The following DGKB variants were observed in gnomAD, a reference collection of about 807,000 sequenced individuals.
DGKB encodes the protein diacylglycerol kinase beta.
A neutral mutation model predicts 114.3 loss-of-function variants in DGKB; 67 were observed. The ratio of observed to expected loss-of-function variants is 0.59; its 90% CI spans 0.48 to 0.72. The LOEUF (loss-of-function observed/expected upper bound fraction) is 0.72. Among genes scored for constraint, DGKB ranks in the 30% least tolerant of loss-of-function variants. DGKB has a pLI of 0.00. For missense variants in DGKB, 907 were observed against 975.2 expected, an observed-to-expected ratio of 0.93 and a Z score of 0.93; for synonymous variants, 398 against 323.1, an observed-to-expected ratio of 1.23 and a Z score of -2.49.
chr7:14,734,914 C>T (rs567056374), intron 5 of DGKB, among the ~76,000 whole-genome samples: 6 of 151,840 alleles, frequency 4.0e-5, no homozygotes, highest in East Asian at 3.9e-4. Flanking sequence ...CCATAGAGGG[C>T]GCTAGAGAGA....
chr7:14,919,062 G>GCACACACACACA (rs767285844), intron 1 of DGKB, among the ~76,000 whole-genome samples: 11 of 118,144 alleles, frequency 9.3e-5, no homozygotes, highest in African/African-American at 3.7e-4. Flanking sequence ...TCCACCACAC[G>GCACACACACACA]CACACACACA....
chr7:14,630,212 GA>G, intron 14 of DGKB, 23 bp downstream of exon 14: 1 of 1,528,268 alleles, frequency 6.5e-7, no homozygotes, highest in Non-Finnish European at 8.8e-7. Flanking sequence ...TTTTAAGTGT[GA>G]AAACCTGTTT....
intron 4 of DGKB, among the ~76,000 whole-genome samples, chr7:14,745,663 G>A (rs189567545): frequency 6.6e-6 from 1 of 152,198 alleles, no homozygotes; most frequent in Non-Finnish European, 1.5e-5. Context: ...TTATGCAGGG[G>A]AGGAGCCTGA....
intron 2 of DGKB, among the ~76,000 whole-genome samples, chr7:14,828,917 G>C (rs1846055684): frequency 3.3e-5 from 5 of 152,092 alleles, no homozygotes; most frequent in Admixed American, 2.0e-4. Flanking sequence ...GTTGCCAGAG[G>C]AGATCAGAGA....
chr7:14,304,171 C>T (rs1224197568), intron 23 of DGKB, among the ~76,000 whole-genome samples: 2 of 151,724 alleles, frequency 1.3e-5, no homozygotes, highest in Non-Finnish European at 2.9e-5. Context: ...TAATTCTTCA[C>T]ACTAACGGTA....
chr7:14,415,356 G>C (rs1825542208), intron 21 of DGKB, among the ~76,000 whole-genome samples: 1 of 151,850 alleles, frequency 6.6e-6, no homozygotes, highest in African/African-American at 2.4e-5. Context: ...TGCCATGTTG[G>C]TGTGCTGCAC....
intron 18 of DGKB, among the ~76,000 whole-genome samples, chr7:14,581,761 C>T (rs1271232106): frequency 4.0e-5 from 6 of 151,884 alleles, no homozygotes; most frequent in Non-Finnish European, 8.8e-5. Context: ...ATGAAATAGC[C>T]GACAATAAGA....
intron 13 of DGKB, among the ~76,000 whole-genome samples, chr7:14,637,781 C>G (rs10277901): frequency 0.06 from 9,064 of 151,812 alleles, 483 homozygotes; most frequent in African/African-American, 0.15. Flanking sequence ...TTGCTTTATT[C>G]TTAACCTAAA....
At chr7:14,893,888 C>T (rs139666068) in intron 1 of DGKB, among the ~76,000 whole-genome samples, 42 of 151,436 alleles carry the variant, frequency 2.8e-4, no homozygotes, top group African/African-American at 9.4e-4. Context: ...ATAATTTATA[C>T]ATGTGTCTTC....
chr7:14,676,534 G>A (rs918153257), intron 12 of DGKB, among the ~76,000 whole-genome samples: 3 of 151,870 alleles, frequency 2.0e-5, no homozygotes, highest in African/African-American at 4.8e-5. Context: ...CATCTCATGT[G>A]CCTCATAAAT....
At chr7:14,485,096 CCACACACACACACACACA>C (rs10563734) in intron 20 of DGKB, among the ~76,000 whole-genome samples, 27 of 141,506 alleles carry the variant, frequency 1.9e-4, no homozygotes, top group Admixed American at 1.7e-3. Flanking sequence ...CACACACACA[CCACACACACACACACACA>C]CACACACACA....
chr7:14,563,983 C>A (rs1797041425), intron 20 of DGKB, among the ~76,000 whole-genome samples: 1 of 152,146 alleles, frequency 6.6e-6, no homozygotes, highest in Admixed American at 6.5e-5. Context: ...AAAGGCAGCT[C>A]TGTGTTAGAC....
chr7:14,915,941 T>A (rs188875807), intron 1 of DGKB, among the ~76,000 whole-genome samples: 5 of 152,068 alleles, frequency 3.3e-5, no homozygotes, highest in African/African-American at 1.2e-4. Flanking sequence ...AATGTTTTGC[T>A]TTTCTTATTC....
At chr7:14,691,816 T>A (rs1328731570) in intron 9 of DGKB, among the ~76,000 whole-genome samples, 1 of 151,794 alleles carries the variant, frequency 6.6e-6, no homozygotes, top group Non-Finnish European at 1.5e-5. Flanking sequence ...GCCTCTGCCA[T>A]CTAGCGGCCG....
intron 20 of DGKB, among the ~76,000 whole-genome samples, chr7:14,492,033 T>C (rs1198083840): frequency 6.6e-6 from 1 of 152,080 alleles, no homozygotes. Context: ...GCCTATTACA[T>C]TATCCTTATA....
At chr7:14,905,247 T>TTG (rs934989951), upstream of DGKB, among the ~76,000 whole-genome samples, 8 of 63,900 alleles carry the variant, frequency 1.3e-4, no homozygotes, top group African/African-American at 1.1e-3. Context: ...CTTGTTAGTT[T>TTG]TTTTTTTTTT....
chr7:14,560,499 GTCC>G (rs903351353), intron 20 of DGKB, among the ~76,000 whole-genome samples: 1 of 152,104 alleles, frequency 6.6e-6, no homozygotes, highest in African/African-American at 2.4e-5. Flanking sequence ...CTAGGATAAT[GTCC>G]TCAAGGTTCA....
At chr7:14,943,299 T>C (rs1224120704) in intron 1 of DGKB, among the ~76,000 whole-genome samples, 2 of 151,814 alleles carry the variant, frequency 1.3e-5, no homozygotes, top group African/African-American at 2.4e-5. Flanking sequence ...TTAATTTCTT[T>C]CTTGAATTCT....
At chr7:14,715,624 AGAGAG>A (rs1376332017) in intron 6 of DGKB, among the ~76,000 whole-genome samples, 1 of 152,186 alleles carries the variant, frequency 6.6e-6, no homozygotes, top group African/African-American at 2.4e-5. Flanking sequence ...GAAGGTCCTC[AGAGAG>A]AAGAATTAGG....
Sources: allele counts gnomAD v4.1 joint callset (sites outside exome capture counted in the v4.1 genomes callset), GRCh38; gene constraint gnomAD v4.1.1; transcripts MANE v1.5; gene names NCBI Gene and HGNC (gene_info 2026-07-23, HGNC 2026-07-21).